Variants in PPFIBP1 observed in about 807,000 individuals in gnomAD.
PPFIBP1 encodes the protein PPFIB scaffold protein 1.
In PPFIBP1, 112 loss-of-function variants were observed where a neutral mutation model predicts 137.8. That is an observed-to-expected ratio of 0.81 (90% CI 0.70 to 0.95). The LOEUF (loss-of-function observed/expected upper bound fraction) is 0.95, where lower values mean the gene tolerates loss of function less well. Ranked by LOEUF, PPFIBP1 falls within the 40% of genes least tolerant of loss-of-function variation. PPFIBP1 has a pLI of 0.00. For synonymous variants in PPFIBP1, 378 were observed against 417.3 expected, an observed-to-expected ratio of 0.91 and a Z score of 1.15; for missense variants, 1,083 against 1,196.6, an observed-to-expected ratio of 0.91 and a Z score of 1.40.
intron 3 of PPFIBP1, among the ~76,000 whole-genome samples, chr12:27,633,754 C>T (rs2057424340): frequency 6.6e-6 from 1 of 151,708 alleles, no homozygotes; most frequent in Admixed American, 6.6e-5. Context: ...CTTTGAGGGA[C>T]ACTTCTCTAC....
chr12:27,555,668 C>T (rs776931437), intron 1 of PPFIBP1, among the ~76,000 whole-genome samples: 1 of 152,178 alleles, frequency 6.6e-6, no homozygotes, highest in Non-Finnish European at 1.5e-5. Context: ...GATGATATAG[C>T]ACGTACGAGA....
At chr12:27,655,628 T>G (rs748540034) in intron 8 of PPFIBP1, among the ~76,000 whole-genome samples, 146 of 152,272 alleles carry the variant, frequency 9.6e-4, no homozygotes, top group Non-Finnish European at 1.7e-3. Context: ...TGGCTGTGAA[T>G]AGAAATGACT....
chr12:27,682,703 T>G lies in PPFIBP1; in HGVS notation c.2247T>G (p.Val749=). Reference sequence around the variant, plus strand: ...GTCGAATGCTACATTACATGACTGTTGTAAGTGACTCACTCCTGGGGTTTG... The same window carrying G: ...GTCGAATGCTACATTACATGACTGTGGTAAGTGACTCACTCCTGGGGTTTG... The part of the protein sequence containing the change: ...VDGRMLHYMT[V]DDLLSLKVVS... Residue 749 remains valine (V), a splice_region_variant and synonymous_variant, in exon 24 of 30, where the codon GTT becomes GTG. Transcript: ENST00000228425. 1.2e-6 allele frequency: 2 copies of G among 1,614,130 alleles called. No homozygotes were observed. Among genetic ancestry groups the G allele is most frequent in the Non-Finnish European group, 1.7e-6 (2 of 1,180,012 alleles).
Position 27,558,495 on chromosome 12 carries a change from C to CACACACAT in PPFIBP1, c.-123-19657_-123-19656insACACACAT, listed in dbSNP as rs71039820. On this transcript the variant is annotated intron_variant, in intron 1 of 29. Coordinates refer to ENST00000228425, the MANE Select transcript of PPFIBP1 (RefSeq NM_003622.4). ...ACACACACACACACACACACACACA[C>CACACACAT]GATATTCTATATAGATCAAGAAATG... is the stretch of plus-strand genomic sequence containing the variant. Among the ~76,000 whole-genome samples the CACACACAT allele has an allele frequency of 3.1e-4, 35 of 111,466 alleles. 9 individuals carry two copies. The highest frequency in any genetic ancestry group is 1.2e-3 in the African/African-American group (32 of 27,172). The allele number at this position is 111,466 out of a possible 152,430, so 73.1% of individuals were successfully genotyped here.
At position 27,555,226 on chromosome 12, in the gene PPFIBP1, C is replaced by G. The variant is rs1043806269; in HGVS notation, c.-123-22926C>G. Reference sequence around the variant, plus strand: ...TATGGTTTTGTAAAATAGCTAGCACCCCTGGTTCTTTTCAAAAATTATTTT... The same window carrying G: ...TATGGTTTTGTAAAATAGCTAGCACGCCTGGTTCTTTTCAAAAATTATTTT... On this transcript the variant is annotated intron_variant, in intron 1 of 29. Transcript: ENST00000228425. Among the ~76,000 whole-genome samples, 7 of 152,060 alleles carry G rather than the reference C, an allele frequency of 4.6e-5. No individual in the cohort carries two copies. The East Asian group carries it at 9.6e-4, about 21-fold the overall frequency.
chr12:27,550,296 T>G (rs1251352958), intron 1 of PPFIBP1, among the ~76,000 whole-genome samples: 2 of 152,196 alleles, frequency 1.3e-5, no homozygotes, highest in African/African-American at 4.8e-5. Context: ...ACATTGTCCC[T>G]ATGGAGTTTC....
chr12:27,641,811 T>A (rs2139305637), intron 4 of PPFIBP1, among the ~76,000 whole-genome samples: 1 of 152,172 alleles, frequency 6.6e-6, no homozygotes, highest in African/African-American at 2.4e-5. Context: ...AAATCATCTA[T>A]CACCTGAGAA....
At chr12:27,678,580 C>T (rs1368437667) in intron 19 of PPFIBP1, among the ~76,000 whole-genome samples, 2 of 152,052 alleles carry the variant, frequency 1.3e-5, no homozygotes, top group Non-Finnish European at 2.9e-5. Flanking sequence ...AGAGACGAGG[C>T]CAGGCGTGGT....
chr12:27,649,708 G>T (rs1473484351), intron 6 of PPFIBP1, among the ~76,000 whole-genome samples: 1 of 152,030 alleles, frequency 6.6e-6, no homozygotes, highest in African/African-American at 2.4e-5. Flanking sequence ...CCGCCACTAT[G>T]CCCGGCAAAT....
intron 6 of PPFIBP1, among the ~76,000 whole-genome samples, chr12:27,649,167 G>A (rs548433172): frequency 1.6e-3 from 240 of 152,264 alleles, no homozygotes; most frequent in Non-Finnish European, 2.5e-3. Flanking sequence ...TATAGGAGAG[G>A]CTCTGTAAGG....
At chr12:27,686,845 G>A (rs969007034) in intron 24 of PPFIBP1, among the ~76,000 whole-genome samples, 3 of 151,584 alleles carry the variant, frequency 2.0e-5, no homozygotes, top group African/African-American at 7.3e-5. Context: ...GAGATAGCCT[G>A]GGCAGTATAG....
At position 27,674,207 on chromosome 12, in the gene PPFIBP1, C is replaced by T. The variant is rs2060365002; in HGVS notation, c.1396C>T (p.Gln466Ter). The stretch of plus-strand genomic sequence containing the variant: ...CTTTGAACAGGAAAAGGAAACTATT[C>T]AGAAGACTTCAGAGGTAACTTTTTG... The part of the protein sequence containing the change: ...ETSDGEKETI[Q>*]KTSEDRAPAE... The change falls in exon 17 of 30, where the codon CAG becomes TAG. Residue 466 changes from glutamine to a stop codon, truncating the protein, a stop_gained. Transcript: ENST00000228425. LOFTEE classifies it high-confidence loss of function. The T allele has an allele frequency of 6.3e-7, 1 of 1,593,822 alleles. No homozygotes were observed. Among genetic ancestry groups the T allele is most frequent in the South Asian group, 1.2e-5 (1 of 86,836 alleles).
intron 2 of PPFIBP1, among the ~76,000 whole-genome samples, chr12:27,596,425 C>A (rs2053315791): frequency 6.6e-6 from 1 of 152,138 alleles, no homozygotes; most frequent in South Asian, 2.1e-4. Context: ...ACAGACTGCC[C>A]ACAACTTCCC....
chr12:27,674,646 G>T (rs1415647011), intron 17 of PPFIBP1, among the ~76,000 whole-genome samples: 1 of 152,088 alleles, frequency 6.6e-6, no homozygotes, highest in African/African-American at 2.4e-5. Flanking sequence ...TAGTCTCTCA[G>T]TCATGCTACT....
At chr12:27,637,739 A>G (rs2346758) in intron 4 of PPFIBP1, among the ~76,000 whole-genome samples, 89,301 of 151,912 alleles carry the variant, frequency 0.59, 26,800 homozygotes, top group Admixed American at 0.65. Flanking sequence ...GTGTGAAATT[A>G]AGTTGTCACC....
chr12:27,581,040 G>A (rs7965189), intron 2 of PPFIBP1, among the ~76,000 whole-genome samples: 17,693 of 151,978 alleles, frequency 0.12, 1,133 homozygotes, highest in East Asian at 0.14. Context: ...GACTACAGGC[G>A]TGTGCCATCA....
intron 24 of PPFIBP1, among the ~76,000 whole-genome samples, chr12:27,683,610 T>C (rs74077237): frequency 0.072 from 11,013 of 152,254 alleles, 1,324 homozygotes; most frequent in African/African-American, 0.25. Context: ...GCTAGACTTC[T>C]ACTCTGGTTC....
intron 1 of PPFIBP1, chr12:27,548,283 A>G (rs1349669897): frequency 6.6e-6 from 1 of 152,232 alleles, no homozygotes; most frequent in East Asian, 1.9e-4. Context: ...ACAAAAGGCA[A>G]GCAAGTGAGT....
intron 1 of PPFIBP1, among the ~76,000 whole-genome samples, chr12:27,570,756 A>G (rs972829331): frequency 1.3e-5 from 2 of 151,506 alleles, no homozygotes; most frequent in African/African-American, 4.9e-5. Flanking sequence ...GAAAAATACA[A>G]AAAAAAATTA....
Sources: allele counts gnomAD v4.1 joint callset (sites outside exome capture counted in the v4.1 genomes callset), GRCh38; gene constraint gnomAD v4.1.1; transcripts MANE v1.5; gene names NCBI Gene and HGNC (gene_info 2026-07-23, HGNC 2026-07-21).